OR9Q1: variants seen among roughly 807,000 people sequenced by gnomAD.
OR9Q1 encodes olfactory receptor 9Q1.
For missense variants in OR9Q1, 374 were observed against 378.8 expected (o/e 0.99, Z 0.11); for synonymous variants, 153 against 148.6 (o/e 1.03, Z -0.22).
intron 2 of OR9Q1, among the ~76,000 whole-genome samples, chr11:58,067,019 GT>G (rs1466681926): frequency 6.0e-5 from 8 of 134,358 alleles, no homozygotes; most frequent in African/African-American, 2.2e-4. Flanking sequence ...GCTGTAATTT[GT>G]TTTTGGCTTG....
intron 2 of OR9Q1, among the ~76,000 whole-genome samples, chr11:58,058,892 C>A (rs563666617): frequency 6.6e-6 from 1 of 152,004 alleles, no homozygotes; most frequent in Non-Finnish European, 1.5e-5. Context: ...GGGCACTGTG[C>A]GGAGGAAGGA....
At chr11:58,095,649 A>G (rs1853723365) in intron 2 of OR9Q1, among the ~76,000 whole-genome samples, 1 of 152,138 alleles carries the variant, frequency 6.6e-6, no homozygotes, top group Non-Finnish European at 1.5e-5. Context: ...ATCTCATGAG[A>G]ACTAGCTCAC....
intron 2 of OR9Q1, among the ~76,000 whole-genome samples, chr11:58,056,686 C>T (rs1252849707): frequency 6.6e-6 from 1 of 152,184 alleles, no homozygotes; most frequent in Non-Finnish European, 1.5e-5. Context: ...AAAACATTTA[C>T]TATCTGGCTC....
intron 1 of OR9Q1, among the ~76,000 whole-genome samples, chr11:58,048,694 A>ATT (rs1554965252): frequency 6.9e-5 from 10 of 145,868 alleles, no homozygotes; most frequent in African/African-American, 2.0e-4. Context: ...ATATATATAT[A>ATT]TTTTTTAGCA....
intron 2 of OR9Q1, among the ~76,000 whole-genome samples, chr11:58,162,601 A>G (rs1162133677): frequency 6.6e-6 from 1 of 152,220 alleles, no homozygotes; most frequent in African/African-American, 2.4e-5. Flanking sequence ...AACAATGTTC[A>G]CTACAGTACC....
chr11:58,096,201 T>G (rs4939181), intron 2 of OR9Q1, among the ~76,000 whole-genome samples: 57,130 of 149,004 alleles, frequency 0.38, 11,811 homozygotes, highest in East Asian at 0.67. Flanking sequence ...TTTTCTGTTT[T>G]ATGCTGACAG....
At chr11:58,145,581 T>C (rs1854292733) in intron 2 of OR9Q1, among the ~76,000 whole-genome samples, 1 of 152,178 alleles carries the variant, frequency 6.6e-6, no homozygotes, top group Non-Finnish European at 1.5e-5. Context: ...GGCTTTATGA[T>C]GTAGAGCCAG....
chr11:58,121,855 A>G (rs1261705282), intron 2 of OR9Q1, among the ~76,000 whole-genome samples: 1 of 152,156 alleles, frequency 6.6e-6, no homozygotes, highest in Admixed American at 6.5e-5. Flanking sequence ...ATATCCATAA[A>G]TGTCTGTGAT....
At chr11:58,105,676 G>A (rs1345617441) in intron 2 of OR9Q1, among the ~76,000 whole-genome samples, 4 of 151,788 alleles carry the variant, frequency 2.6e-5, no homozygotes, top group African/African-American at 4.8e-5. Flanking sequence ...TGTATTTTCC[G>A]CTTCTATAAG....
intron 2 of OR9Q1, among the ~76,000 whole-genome samples, chr11:58,124,840 C>T (rs12804808): frequency 1.3e-5 from 2 of 152,010 alleles, no homozygotes; most frequent in African/African-American, 2.4e-5. Flanking sequence ...AACCATTTAT[C>T]GAACATCTTC....
intron 2 of OR9Q1, chr11:58,060,282 A>G (rs922306596): frequency 6.6e-6 from 1 of 152,176 alleles, no homozygotes; most frequent in African/African-American, 2.4e-5. Context: ...CTCTCCTGTC[A>G]TGGGGCAGCT....
At chr11:58,109,325 A>C in intron 2 of OR9Q1, 1 of 460,966 alleles carries the variant, frequency 2.2e-6, no homozygotes, top group Non-Finnish European at 4.4e-6. Context: ...GACAGCAGGT[A>C]ACACTCTGTG....
At chr11:58,088,347 T>C (rs1358418522) in intron 2 of OR9Q1, among the ~76,000 whole-genome samples, 1 of 151,948 alleles carries the variant, frequency 6.6e-6, no homozygotes, top group Non-Finnish European at 1.5e-5. Context: ...AGTAATGGGA[T>C]TGCTGGGTCA....
chr11:58,109,022 T>A (rs1179746246), intron 2 of OR9Q1: 3 of 448,608 alleles, frequency 6.7e-6, no homozygotes, highest in African/African-American at 4.0e-5. Context: ...CAGATCAGGA[T>A]AACCATGACA....
chr11:58,112,915 A>G (rs1853916483), intron 2 of OR9Q1, among the ~76,000 whole-genome samples: 1 of 152,036 alleles, frequency 6.6e-6, no homozygotes, highest in Non-Finnish European at 1.5e-5. Context: ...GTGGCTCACT[A>G]TGCTCCTCTC....
chr11:58,178,988 TAGAGAGAGAGAGAGAAAGAAAGAAAGAG>T (rs1854632359), intron 2 of OR9Q1, among the ~76,000 whole-genome samples: 2 of 110,238 alleles, frequency 1.8e-5, no homozygotes, highest in Admixed American at 1.0e-4. Context: ...TTATATATTA[TAGAGAGAGAGAGAGAAAGAAAGAAAGAG>T]AGAGAGAGAG....
At chr11:58,024,940 G>A (rs1852956558) in intron 1 of OR9Q1, among the ~76,000 whole-genome samples, 1 of 152,176 alleles carries the variant, frequency 6.6e-6, no homozygotes, top group Admixed American at 6.5e-5. Context: ...ACGGTGTGGA[G>A]GCTTTTTTTG....
At chr11:58,064,052 C>G (rs1853406201) in intron 2 of OR9Q1, among the ~76,000 whole-genome samples, 1 of 152,096 alleles carries the variant, frequency 6.6e-6, no homozygotes, top group Non-Finnish European at 1.5e-5. Flanking sequence ...ATTATTAATC[C>G]TGGGGATTCC....
intron 2 of OR9Q1, among the ~76,000 whole-genome samples, chr11:58,140,464 T>A (rs1262671529): frequency 1.3e-5 from 2 of 152,174 alleles, no homozygotes; most frequent in East Asian, 1.9e-4. Context: ...AATTTTTGTA[T>A]AAGGTGTAAG....
Sources: allele counts gnomAD v4.1 joint callset (sites outside exome capture counted in the v4.1 genomes callset), GRCh38; gene constraint gnomAD v4.1.1; transcripts MANE v1.5; gene names NCBI Gene and HGNC (gene_info 2026-07-23, HGNC 2026-07-21).